The following TUSC3 variants were observed in gnomAD, a reference collection of about 807,000 sequenced individuals.
TUSC3 encodes the protein dolichyl-diphosphooligosaccharide--protein glycosyltransferase subunit TUSC3.
In TUSC3, 45 loss-of-function variants were observed where a neutral mutation model predicts 44.8. That is an observed-to-expected ratio of 1.00 (90% CI 0.79 to 1.29). The LOEUF is 1.29. Ranked by LOEUF, TUSC3 falls within the 50% of genes most tolerant of loss-of-function variation. The probability of loss-of-function intolerance (pLI) is 0.00; values close to 1 mark genes in which losing one functional copy is unlikely to be tolerated. For synonymous variants in TUSC3, 212 were observed against 152.9 expected (o/e 1.39, Z -2.85); for missense variants, 519 against 437.9 (o/e 1.19, Z -1.65).
At chr8:15,666,741 T>C (rs1807679729) in intron 5 of TUSC3, among the ~76,000 whole-genome samples, 1 of 151,480 alleles carries the variant, frequency 6.6e-6, no homozygotes, top group Non-Finnish European at 1.5e-5. Context: ...TTTTTTTCAA[T>C]GAAATAATGT....
intron 1 of TUSC3, among the ~76,000 whole-genome samples, chr8:15,545,729 A>T (rs890838181): frequency 1.3e-5 from 2 of 151,620 alleles, no homozygotes; most frequent in African/African-American, 4.8e-5. Context: ...GAGTGGAAAC[A>T]TAACTCAAGC....
chr8:15,468,731 C>G (rs750968662), intron 1 of TUSC3, among the ~76,000 whole-genome samples: 1 of 152,048 alleles, frequency 6.6e-6, no homozygotes, highest in South Asian at 2.1e-4. Flanking sequence ...AAAATCACAA[C>G]AGATATGAAA....
intron 2 of TUSC3, among the ~76,000 whole-genome samples, chr8:15,508,875 T>C (rs1801096256): frequency 6.6e-6 from 1 of 152,244 alleles, no homozygotes; most frequent in African/African-American, 2.4e-5. Flanking sequence ...TTGTAATATA[T>C]TACCTTAATT....
chr8:15,839,873 C>T, the TUSC3 span, among the ~76,000 whole-genome samples: 1 of 152,200 alleles, frequency 6.6e-6, no homozygotes, highest in African/African-American at 2.4e-5. Flanking sequence ...CATCCCATTA[C>T]TGGGTATATA....
intron 2 of TUSC3, among the ~76,000 whole-genome samples, chr8:15,515,328 T>A (rs1352919551): frequency 1.3e-5 from 2 of 152,150 alleles, no homozygotes; most frequent in Non-Finnish European, 2.9e-5. Context: ...AATTAAATAT[T>A]CTCAGATTTT....
chr8:15,749,048 G>C (rs352782), intron 9 of TUSC3, among the ~76,000 whole-genome samples: 1 of 152,068 alleles, frequency 6.6e-6, no homozygotes, highest in Non-Finnish European at 1.5e-5. Flanking sequence ...AGAGGTGCCC[G>C]ATTACAGTTG....
At position 15,461,856 on chromosome 8, in the gene TUSC3, T is replaced by C. The variant is rs146238937; in HGVS notation, n.92-21530T>C. Among the ~76,000 whole-genome samples, 373 of 152,078 alleles carry C rather than the reference T, an allele frequency of 2.5e-3. 3 individuals are homozygous for C. In the East Asian group the frequency reaches 0.048, roughly 20 times the overall value. ...ATCAAATTAAAACATTAAAATAATATACAATTTTATTTTAAAATTTACTAA... is the reference window on the plus strand; with the variant it reads ...ATCAAATTAAAACATTAAAATAATACACAATTTTATTTTAAAATTTACTAA... On this transcript the variant is annotated intron_variant and non_coding_transcript_variant, in intron 1 of 5. Coordinates refer to the TUSC3 transcript ENST00000503191.
At chr8:15,692,562 G>C (rs547380512) in intron 6 of TUSC3, among the ~76,000 whole-genome samples, 10 of 151,122 alleles carry the variant, frequency 6.6e-5, no homozygotes, top group African/African-American at 2.2e-4. Flanking sequence ...CTTTCTTCCT[G>C]GTTCAGTCAT....
chr8:15,719,440 CT>C (rs975867044), intron 6 of TUSC3, among the ~76,000 whole-genome samples: 25 of 151,698 alleles, frequency 1.6e-4, no homozygotes, highest in African/African-American at 5.8e-4. Flanking sequence ...GACTCCCTTA[CT>C]TTTTTCTGCT....
chr8:15,798,720 G>A, the TUSC3 span, among the ~76,000 whole-genome samples: 2 of 152,056 alleles, frequency 1.3e-5, no homozygotes, highest in South Asian at 2.1e-4. Flanking sequence ...TTCCAGCCGG[G>A]ACCACTAGGT....
chr8:15,842,151 T>C, the TUSC3 span, among the ~76,000 whole-genome samples: 1 of 152,138 alleles, frequency 6.6e-6, no homozygotes, highest in Non-Finnish European at 1.5e-5. Context: ...CTTCTTGGCA[T>C]TGGGGATACA....
intron 2 of TUSC3, among the ~76,000 whole-genome samples, chr8:15,637,762 C>G (rs892149564): frequency 5.3e-5 from 8 of 152,184 alleles, no homozygotes; most frequent in Middle Eastern, 3.4e-3. Flanking sequence ...TTCAAGTACC[C>G]TTTCTGCTCA....
chr8:15,794,804 G>A, the TUSC3 span, among the ~76,000 whole-genome samples: 16 of 151,882 alleles, frequency 1.1e-4, no homozygotes, highest in African/African-American at 3.1e-4. Flanking sequence ...TTTATTATAC[G>A]AGACAGCAAA....
At chr8:15,456,834 T>C (rs1170771456) in intron 1 of TUSC3, among the ~76,000 whole-genome samples, 5 of 152,088 alleles carry the variant, frequency 3.3e-5, no homozygotes, top group Admixed American at 2.6e-4. Flanking sequence ...TTAAAACATT[T>C]TGTTGTATAT....
At chr8:15,562,370 C>G (rs1179405532) in intron 1 of TUSC3, among the ~76,000 whole-genome samples, 3 of 152,138 alleles carry the variant, frequency 2.0e-5, no homozygotes, top group African/African-American at 7.2e-5. Flanking sequence ...TCTCCTCTCC[C>G]TTAAGATGAG....
At chr8:15,421,825 C>T (rs554986274) in intron 1 of TUSC3, among the ~76,000 whole-genome samples, 1 of 152,122 alleles carries the variant, frequency 6.6e-6, no homozygotes, top group African/African-American at 2.4e-5. Flanking sequence ...CGTGCCTAGT[C>T]ATGTTGTAAA....
intron 6 of TUSC3, among the ~76,000 whole-genome samples, chr8:15,676,002 A>G (rs1004790893): frequency 6.6e-6 from 1 of 152,124 alleles, no homozygotes; most frequent in Non-Finnish European, 1.5e-5. Context: ...TCTTTGAGAC[A>G]TCTCCATGTT....
At chr8:15,692,877 T>G (rs1200784592) in intron 6 of TUSC3, among the ~76,000 whole-genome samples, 1 of 152,158 alleles carries the variant, frequency 6.6e-6, no homozygotes, top group Non-Finnish European at 1.5e-5. Context: ...GATAGTTAGA[T>G]CCTCTCGTTG....
chr8:15,657,706 A>G (rs987426171), intron 3 of TUSC3, among the ~76,000 whole-genome samples: 1 of 152,006 alleles, frequency 6.6e-6, no homozygotes, highest in Non-Finnish European at 1.5e-5. Context: ...TTCAGTCTCT[A>G]CCCATTATCT....
Sources: gnomAD v4.1 joint callset for allele counts (sites outside exome capture counted in the v4.1 genomes callset) on GRCh38, gnomAD v4.1.1 for gene constraint, MANE v1.5 for transcripts, NCBI Gene and HGNC (gene_info 2026-07-23, HGNC 2026-07-21) for gene names.